Variants in PROSER1 observed in about 807,000 individuals in gnomAD.
PROSER1 encodes proline and serine rich 1.
In PROSER1, 36 loss-of-function variants were observed where a neutral mutation model predicts 71.8. The ratio of observed to expected loss-of-function variants is 0.50; its 90% CI spans 0.38 to 0.66. The LOEUF (loss-of-function observed/expected upper bound fraction) is 0.66, where lower values mean the gene tolerates loss of function less well. Ranked by LOEUF, PROSER1 falls within the 30% of genes least tolerant of loss-of-function variation. The pLI, the probability that PROSER1 is intolerant of heterozygous loss-of-function variation, is 0.00. For synonymous variants in PROSER1, 490 were observed against 452.4 expected (o/e 1.08, Z -1.06); for missense variants, 1,107 against 1,135.0 (o/e 0.98, Z 0.35).
intron 2 of PROSER1, among the ~76,000 whole-genome samples, chr13:39,032,857 C>A (rs146308296): frequency 1.3e-3 from 197 of 151,568 alleles, no homozygotes; most frequent in African/African-American, 4.4e-3. Context: ...GGTGGTACAT[C>A]ACATACACCC....
At chr13:39,021,516 T>TA (rs948690636) in intron 9 of PROSER1, among the ~76,000 whole-genome samples, 21 of 151,936 alleles carry the variant, frequency 1.4e-4, no homozygotes, top group Non-Finnish European at 2.1e-4. Flanking sequence ...AGTAGGTCAT[T>TA]AAAAAAAATA....
intron 8 of PROSER1, 54 bp from the exon 9 acceptor site, chr13:39,022,466 G>C: frequency 8.4e-7 from 1 of 1,192,890 alleles, no homozygotes. Flanking sequence ...TCTGTGACTG[G>C]TATTGTTCTG....
At chr13:39,036,965 A>G (rs1021074165) in intron 1 of PROSER1, among the ~76,000 whole-genome samples, 2 of 152,212 alleles carry the variant, frequency 1.3e-5, no homozygotes, top group Non-Finnish European at 2.9e-5. Flanking sequence ...GGGCTTTACA[A>G]ATGTAATTCC....
intron 12 of PROSER1, 26 bp downstream of exon 12, chr13:39,012,057 A>T: frequency 6.2e-7 from 1 of 1,605,794 alleles, no homozygotes. Context: ...GTTACCATGT[A>T]ATTTATGCCA....
In PROSER1 at chr13:39,024,560, T is replaced by C; in HGVS notation, c.481-4A>G. The stretch of plus-strand genomic sequence containing the variant: ...CATCTTTTTTCAAAGGAGTTCCCTA[T>C]TAAAAAAAAAAAAAAAAGGTAATTG... On this transcript the variant is annotated splice_polypyrimidine_tract_variant and splice_region_variant and intron_variant, in intron 6 of 12. Transcript: ENST00000352251. The C allele has an allele frequency of 6.9e-7, 1 of 1,449,692 alleles. No individual in the cohort carries two copies. The highest frequency in any genetic ancestry group is 9.1e-7 in the Non-Finnish European group (1 of 1,096,098). The allele number at this position is 1,449,692 out of a possible 1,614,324, so 89.8% of individuals were successfully genotyped here. A position where few individuals can be genotyped will look rare whatever the true frequency, so the allele number is the denominator to read the frequency against.
Position 39,011,111 on chromosome 13 carries a change from A to G in PROSER1, c.*254T>C. The G allele has an allele frequency of 2.5e-6, 1 of 394,938 alleles. No individual in the cohort carries two copies. The allele number at this position is 394,938 out of a possible 1,614,324, so 24.5% of individuals were successfully genotyped here. On this transcript the variant is annotated 3_prime_UTR_variant, in exon 13 of 13. Coordinates refer to ENST00000352251, the MANE Select transcript of PROSER1 (RefSeq NM_025138.5). ...GATCACATACACAATTCAAAATTTT[A>G]TAGGACAGGTGAAAAGTCTCCAAAC...
chr13:39,012,309 A>C (rs1363373302), intron 11 of PROSER1, 76 bp from the exon 12 acceptor site: 3 of 1,450,552 alleles, frequency 2.1e-6, no homozygotes, highest in Non-Finnish European at 2.9e-6. Context: ...TGTCAAATAC[A>C]ATCTTAAAAT....
chr13:39,029,061 A>T (rs1375665302), intron 4 of PROSER1: 1 of 348,304 alleles, frequency 2.9e-6, no homozygotes, highest in Non-Finnish European at 5.1e-6. Context: ...AATACAAAAA[A>T]TCAAATTAAA....
chr13:39,017,465 A>C (rs1870056653), intron 10 of PROSER1, 35 bp downstream of exon 10: 1 of 1,338,924 alleles, frequency 7.5e-7, no homozygotes, highest in African/African-American at 1.5e-5. Flanking sequence ...ACCATGACAG[A>C]TATCCGTTAT....
At chr13:39,026,733 C>T (rs1870563179) in intron 5 of PROSER1, among the ~76,000 whole-genome samples, 1 of 152,124 alleles carries the variant, frequency 6.6e-6, no homozygotes, top group Admixed American at 6.5e-5. Context: ...ATGCCAAGGT[C>T]ATGTTACATT....
intron 9 of PROSER1, chr13:39,017,945 C>T (rs1189456949): frequency 6.1e-6 from 1 of 163,312 alleles, no homozygotes; most frequent in Non-Finnish European, 1.3e-5. Flanking sequence ...GAGAGGACCA[C>T]TATCATTGGC....
At chr13:39,025,583 A>G (rs1379541225) in intron 6 of PROSER1, among the ~76,000 whole-genome samples, 2 of 152,204 alleles carry the variant, frequency 1.3e-5, no homozygotes, top group African/African-American at 4.8e-5. Context: ...TGGACAACAA[A>G]GGACTCCTGC....
At position 39,010,084 on chromosome 13, in the gene PROSER1, A is replaced by C. The variant is rs1382139337; in HGVS notation, c.*1281T>G. The C allele has an allele frequency of 6.6e-6, 1 of 152,648 alleles. No individual in the cohort carries two copies. Among genetic ancestry groups the C allele is most frequent in the Non-Finnish European group, 1.5e-5 (1 of 68,018 alleles). The allele number at this position is 152,648 out of a possible 1,614,324, so 9.5% of individuals were successfully genotyped here. On this transcript the variant is annotated 3_prime_UTR_variant, in exon 13 of 13. Coordinates refer to ENST00000352251, the MANE Select transcript of PROSER1 (RefSeq NM_025138.5). ...AACTAAATTTGGATAAAAATGTTCA[A>C]TAATTAACTCTAGCACGTATACAAA...
Position 39,011,441 on chromosome 13 carries a change from C to T in PROSER1, c.2759G>A (p.Gly920Glu), listed in dbSNP as rs1393910244. The change falls in exon 13 of 13, where the codon GGG becomes GAG. Residue 920 changes from glycine (G) to glutamate (E), a missense_variant. Coordinates refer to ENST00000352251, the MANE Select transcript of PROSER1 (RefSeq NM_025138.5). ...ALESYPAQPD[G>E]FPSYPSAPGT... The stretch of plus-strand genomic sequence containing the variant: ...TGGCGCTGAAGGATAACTAGGAAAC[C>T]CATCAGGCTGAGCTGGATAGCTTTC... The T allele has an allele frequency of 1.2e-6, 2 of 1,614,032 alleles. No individual in the cohort carries two copies. Among genetic ancestry groups the T allele is most frequent in the East Asian group, 2.2e-5 (1 of 44,874 alleles).
chr13:39,029,432 C>A (rs1473852100), intron 3 of PROSER1, 57 bp from the exon 4 acceptor site: 2 of 966,462 alleles, frequency 2.1e-6, no homozygotes, highest in African/African-American at 3.4e-5. Context: ...CCAGAAATTA[C>A]CTTTTTCTGG....
intron 11 of PROSER1, 139 bp from the exon 12 acceptor site, chr13:39,012,372 A>AAAAATC: frequency 1.1e-6 from 1 of 920,756 alleles, no homozygotes; most frequent in Non-Finnish European, 1.7e-6. Flanking sequence ...GAAGGACCAT[A>AAAAATC]AAAATCAGCC....
In PROSER1 at chr13:39,026,357, C is replaced by T; in HGVS notation, c.400G>A (p.Ala134Thr). ...ATTGTTCCACAAGAAGATATCATAG[C>T]ATGAGGAGCTTTGCAGCCCCCCTTG... ...AFKGGCKAPH[A>T]MISSCGTIPG... The change falls in exon 6 of 13, where the codon GCT (alanine) becomes ACT (threonine). Residue 134 changes from alanine to threonine, a missense_variant. Physicochemically the swap from Ala to Thr is moderately conservative, Grantham distance 58. Transcript: ENST00000352251. The T allele has an allele frequency of 6.2e-7, 1 of 1,611,832 alleles. No homozygotes were observed. Among genetic ancestry groups the T allele is most frequent in the South Asian group, 1.1e-5 (1 of 90,950 alleles).
chr13:39,031,634 G>A lies in PROSER1; in HGVS notation c.112-3C>T. 1.2e-6 allele frequency: 2 copies of A among 1,611,852 alleles called. No homozygotes were observed. Among genetic ancestry groups the A allele is most frequent in the South Asian group, 1.1e-5 (1 of 90,860 alleles). On this transcript the variant is annotated splice_polypyrimidine_tract_variant and splice_region_variant and intron_variant, in intron 2 of 12. Transcript: ENST00000352251. ...AAATATCTCAGCAAATCAACCACCT[G>A]AAAACAAAGAACTAACAGCTCTAAT... is the stretch of plus-strand genomic sequence containing the variant.
rs150927843 is a variant in PROSER1 at position 39,026,837 on chromosome 13, G to T, written c.370-450C>A. On this transcript the variant is annotated intron_variant, in intron 5 of 12. Coordinates refer to ENST00000352251, the MANE Select transcript of PROSER1 (RefSeq NM_025138.5). ...ATAAACAAGTAACATGACATTGGGTGGTCCAAAGACCTACATACCGTTCAA... is the reference window on the plus strand; with the variant it reads ...ATAAACAAGTAACATGACATTGGGTTGTCCAAAGACCTACATACCGTTCAA... Among the ~76,000 whole-genome samples the T allele has an allele frequency of 2.2e-4, 33 of 152,136 alleles. No homozygotes were observed. In the East Asian group the frequency reaches 6.2e-3, roughly 29 times the overall value.
Sources: allele counts gnomAD v4.1 joint callset (sites outside exome capture counted in the v4.1 genomes callset), GRCh38; gene constraint gnomAD v4.1.1; transcripts MANE v1.5; gene names NCBI Gene and HGNC (gene_info 2026-07-23, HGNC 2026-07-21).